ENPP6: variants seen among roughly 807,000 people sequenced by gnomAD.
ENPP6 encodes the protein glycerophosphocholine cholinephosphodiesterase ENPP6.
Under a neutral mutation model 42.0 loss-of-function variants are expected in ENPP6, and 32 were observed. The ratio of observed to expected loss-of-function variants is 0.76; its 90% CI spans 0.58 to 1.02. ENPP6 has a LOEUF of 1.02. ENPP6 is among the 50% of genes least tolerant of loss of function. The pLI, the probability that ENPP6 is intolerant of heterozygous loss-of-function variation, is 0.00. For missense variants in ENPP6, 552 were observed against 566.8 expected (o/e 0.97, Z 0.27); for synonymous variants, 213 against 216.0 (o/e 0.99, Z 0.12).
intron 3 of ENPP6, among the ~76,000 whole-genome samples, chr4:184,118,908 T>C (rs1464859903): frequency 6.6e-6 from 1 of 152,218 alleles, no homozygotes; most frequent in East Asian, 1.9e-4. Flanking sequence ...GCCCTGGGGT[T>C]TCAGGGACAC....
rs557678067 is a variant in ENPP6, at chr4:184,194,128, C to G, written c.241+23451G>C. 7.2e-5 allele frequency among the ~76,000 whole-genome samples: 11 copies of G among 152,326 alleles called. 1 individual carries two copies. Among genetic ancestry groups the G allele is most frequent in the African/African-American group, 2.2e-4 (9 of 41,578 alleles). On this transcript the variant is annotated intron_variant, in intron 1 of 7. Transcript: ENST00000296741. ...CCTCTTTCTTACCATCATGGTCCCT[C>G]ATCTACTCAGATGATTTCCCACTCC...
intron 6 of ENPP6, among the ~76,000 whole-genome samples, chr4:184,101,334 G>A (rs540684250): frequency 0.018 from 2,668 of 150,702 alleles, 80 homozygotes; most frequent in African/African-American, 0.062. Flanking sequence ...GTGTGTGTGT[G>A]TGTGTGTGTG....
chr4:184,124,303 T>G, intron 2 of ENPP6, 31 bp from the exon 3 acceptor site: 1 of 1,527,506 alleles, frequency 6.5e-7, no homozygotes, highest in Non-Finnish European at 9.1e-7. Context: ...AAATAGTTAC[T>G]CTCTTCAATA....
chr4:184,196,156 C>T (rs1732792007), intron 1 of ENPP6, among the ~76,000 whole-genome samples: 1 of 152,222 alleles, frequency 6.6e-6, no homozygotes, highest in Non-Finnish European at 1.5e-5. Context: ...TGCTGTTCAC[C>T]CACGAGGCCC....
intron 1 of ENPP6, among the ~76,000 whole-genome samples, chr4:184,204,468 C>G (rs74725398): frequency 0.019 from 2,957 of 152,298 alleles, 44 homozygotes; most frequent in Non-Finnish European, 0.028. Flanking sequence ...AGGCCTGAAC[C>G]GTCCTCACAG....
At chr4:184,169,072 A>G (rs1737413057) in intron 1 of ENPP6, among the ~76,000 whole-genome samples, 1 of 152,036 alleles carries the variant, frequency 6.6e-6, no homozygotes, top group Non-Finnish European at 1.5e-5. Context: ...TTAAACCACA[A>G]TTTGTAATGG....
intron 2 of ENPP6, among the ~76,000 whole-genome samples, chr4:184,127,333 A>C (rs1228274513): frequency 6.6e-5 from 10 of 152,174 alleles, no homozygotes. Flanking sequence ...AATAAAGAAG[A>C]TATGGTAGAA....
At chr4:184,182,406 TTGG>T (rs1329574029) in intron 1 of ENPP6, among the ~76,000 whole-genome samples, 1 of 152,146 alleles carries the variant, frequency 6.6e-6, no homozygotes. Context: ...TTTCACACTG[TTGG>T]TGGTAGTGTA....
At chr4:184,193,843 ACT>A (rs1732743132) in intron 1 of ENPP6, among the ~76,000 whole-genome samples, 3 of 152,024 alleles carry the variant, frequency 2.0e-5, no homozygotes, top group Admixed American at 2.0e-4. Context: ...GGTTTTGCAA[ACT>A]CTGCTGCTGA....
At chr4:184,165,244 A>T (rs1685301756) in intron 1 of ENPP6, among the ~76,000 whole-genome samples, 1 of 152,232 alleles carries the variant, frequency 6.6e-6, no homozygotes, top group African/African-American at 2.4e-5. Flanking sequence ...TCTGGAACTA[A>T]ATGCTTTACA....
At chr4:184,098,115 ATCTTAAATATAGTGTGCTT>A (rs1364825419) in intron 6 of ENPP6, among the ~76,000 whole-genome samples, 1 of 152,216 alleles carries the variant, frequency 6.6e-6, no homozygotes, top group East Asian at 1.9e-4. Flanking sequence ...TAAAACAGCC[ATCTTAAATATAGTGTGCTT>A]TCCTGAGTTC....
intron 1 of ENPP6, chr4:184,216,693 G>A (rs1414070056): frequency 6.6e-6 from 1 of 152,228 alleles, no homozygotes; most frequent in Middle Eastern, 3.2e-3. Context: ...GCCTCTCGCT[G>A]CCTTTACAAA....
At chr4:184,117,995 C>G in intron 3 of ENPP6, 95 bp from the exon 4 acceptor site, 1 of 1,451,658 alleles carries the variant, frequency 6.9e-7, no homozygotes, top group South Asian at 1.4e-5. Context: ...TGTTCACGCC[C>G]CCCGAAACCT....
At chr4:184,193,489 T>G (rs960959028) in intron 1 of ENPP6, among the ~76,000 whole-genome samples, 2 of 152,192 alleles carry the variant, frequency 1.3e-5, no homozygotes, top group Admixed American at 6.5e-5. Context: ...GGGAAGCAAC[T>G]GCAGGGCACA....
chr4:184,202,438 G>T (rs1424165454), intron 1 of ENPP6, among the ~76,000 whole-genome samples: 1 of 152,164 alleles, frequency 6.6e-6, no homozygotes, highest in Non-Finnish European at 1.5e-5. Flanking sequence ...AGGAGGGGAG[G>T]AGGAGCCTGT....
chr4:184,148,000 AC>A (rs1324438392), intron 2 of ENPP6, among the ~76,000 whole-genome samples: 1 of 151,954 alleles, frequency 6.6e-6, no homozygotes, highest in East Asian at 1.9e-4. Flanking sequence ...CCCTCGTGTC[AC>A]TTTCTAAGGA....
intron 3 of ENPP6, among the ~76,000 whole-genome samples, chr4:184,120,145 T>C (rs934694724): frequency 1.3e-5 from 2 of 152,070 alleles, no homozygotes; most frequent in African/African-American, 4.8e-5. Context: ...TTTTCCTGAG[T>C]ATGTGGCTGA....
chr4:184,153,791 T>G, intron 1 of ENPP6, 58 bp from the exon 2 acceptor site: 1 of 1,560,846 alleles, frequency 6.4e-7, no homozygotes, highest in South Asian at 1.2e-5. Context: ...TATTTTTATC[T>G]TTGTTTCTTG....
At chr4:184,194,089 T>C (rs1409270839) in intron 1 of ENPP6, among the ~76,000 whole-genome samples, 1 of 152,198 alleles carries the variant, frequency 6.6e-6, no homozygotes, top group Admixed American at 6.5e-5. Context: ...AATGTGAGCA[T>C]GGTCCCCGAG....
Sources: allele counts gnomAD v4.1 joint callset (sites outside exome capture counted in the v4.1 genomes callset), GRCh38; gene constraint gnomAD v4.1.1; transcripts MANE v1.5; gene names NCBI Gene and HGNC (gene_info 2026-07-23, HGNC 2026-07-21).